Variants in KATNAL2 observed in about 807,000 individuals in gnomAD.
KATNAL2 encodes the protein katanin catalytic subunit A1 like 2.
KATNAL2 carries 52 observed loss-of-function variants against 76.3 expected under a neutral mutation model. The observed-to-expected ratio is 0.68, with a 90% CI of 0.55 to 0.86. The LOEUF is 0.86. KATNAL2 is among the 40% of genes least tolerant of loss of function. The pLI is 0.00. For synonymous variants in KATNAL2, 243 were observed against 244.2 expected, an observed-to-expected ratio of 1.00 and a Z score of 0.05; for missense variants, 660 against 668.9, an observed-to-expected ratio of 0.99 and a Z score of 0.15.
At chr18:47,054,898 G>A (rs1396243603) in intron 6 of KATNAL2, among the ~76,000 whole-genome samples, 1 of 152,240 alleles carries the variant, frequency 6.6e-6, no homozygotes, top group Admixed American at 6.5e-5. Flanking sequence ...CAATGAGCCA[G>A]GAGGTGTGAG....
At chr18:47,070,220 C>A (rs1454415139) in intron 13 of KATNAL2, among the ~76,000 whole-genome samples, 1 of 151,722 alleles carries the variant, frequency 6.6e-6, no homozygotes, top group Non-Finnish European at 1.5e-5. Flanking sequence ...CCTCAGCCTC[C>A]CGAATAGCTG....
At chr18:47,031,651 T>G (rs2060455891) in intron 3 of KATNAL2, among the ~76,000 whole-genome samples, 1 of 152,132 alleles carries the variant, frequency 6.6e-6, no homozygotes, top group South Asian at 2.1e-4. Flanking sequence ...AGAATGAGGA[T>G]TATTTTAGTA....
intron 1 of KATNAL2, among the ~76,000 whole-genome samples, chr18:46,927,779 C>T (rs907499397): frequency 3.3e-5 from 5 of 152,096 alleles, no homozygotes; most frequent in Admixed American, 2.0e-4. Flanking sequence ...AGGCTTTGTT[C>T]GTTTCTTTTT....
intron 3 of KATNAL2, chr18:47,023,689 TC>T: frequency 2.0e-5 from 2 of 102,226 alleles, no homozygotes; most frequent in South Asian, 2.1e-4. Flanking sequence ...GGTGTTTCGG[TC>T]CACGAGCACC....
chr18:46,928,096 T>C (rs1292796455), intron 1 of KATNAL2, among the ~76,000 whole-genome samples: 1 of 152,246 alleles, frequency 6.6e-6, no homozygotes, highest in Admixed American at 6.5e-5. Context: ...GTCAAAGTCA[T>C]TCTCCATCCA....
chr18:47,076,619 T>A (rs1026999452), intron 14 of KATNAL2: 1 of 152,076 alleles, frequency 6.6e-6, no homozygotes, highest in Admixed American at 6.5e-5. Context: ...CTGTCTGGGA[T>A]CAAAGACTCC....
intron 1 of KATNAL2, among the ~76,000 whole-genome samples, chr18:46,944,943 A>C (rs1191005784): frequency 6.6e-6 from 1 of 152,126 alleles, no homozygotes; most frequent in Non-Finnish European, 1.5e-5. Flanking sequence ...TAAATAAATA[A>C]ATAAATAAAG....
chr18:47,081,068 C>A (rs552512762), intron 15 of KATNAL2, among the ~76,000 whole-genome samples: 1 of 151,086 alleles, frequency 6.6e-6, no homozygotes, highest in African/African-American at 2.4e-5. Flanking sequence ...TCTTTCTTTC[C>A]CGCCTTCTTC....
chr18:47,071,494 A>C (rs2061997705), intron 13 of KATNAL2, among the ~76,000 whole-genome samples: 1 of 151,392 alleles, frequency 6.6e-6, no homozygotes, highest in African/African-American at 2.4e-5. Context: ...AATTCTTATC[A>C]CCCTGAAGTC....
chr18:47,058,273 A>G lies in KATNAL2; in HGVS notation c.371A>G (p.Asn124Ser), dbSNP rs2061527723. Residue 124 changes from asparagine to serine, a missense_variant, in exon 7 of 18, where the codon AAT becomes AGT. Coordinates refer to ENST00000683218, the MANE Select transcript of KATNAL2 (RefSeq NM_001387690.1). Reference protein sequence around the residue: ...NDSCQNLPKINQQRPRSKTTA... With the variant: ...NDSCQNLPKISQQRPRSKTTA... Reference sequence around the variant, plus strand: ...AGTTGTCAAAATCTTCCCAAGATCAATCAGCAGAGGCCCCGGTCCAAAACC... The same window carrying G: ...AGTTGTCAAAATCTTCCCAAGATCAGTCAGCAGAGGCCCCGGTCCAAAACC... The G allele has an allele frequency of 6.2e-7, 1 of 1,614,092 alleles. No homozygotes were observed. The highest frequency in any genetic ancestry group is 1.6e-4 in the Middle Eastern group (1 of 6,062).
At chr18:47,046,423 G>A (rs950433202) in intron 3 of KATNAL2, 34 bp from the exon 4 acceptor site, 1 of 1,446,300 alleles carries the variant, frequency 6.9e-7, no homozygotes, top group Non-Finnish European at 9.4e-7. Flanking sequence ...GTTATTTTTT[G>A]TTGTCATCCT....
At chr18:47,057,625 T>C (rs1477882465) in intron 6 of KATNAL2, among the ~76,000 whole-genome samples, 1 of 152,244 alleles carries the variant, frequency 6.6e-6, no homozygotes, top group African/African-American at 2.4e-5. Context: ...TTGTCTGAAG[T>C]AAACAATTGT....
chr18:47,083,471 G>A (rs1488656219), intron 15 of KATNAL2, among the ~76,000 whole-genome samples: 3 of 152,110 alleles, frequency 2.0e-5, no homozygotes. Context: ...ACTGCTGGTT[G>A]ACTTACCACC....
chr18:46,928,573 A>G (rs2058805570), intron 1 of KATNAL2, among the ~76,000 whole-genome samples: 1 of 152,116 alleles, frequency 6.6e-6, no homozygotes, highest in African/African-American at 2.4e-5. Flanking sequence ...TTCAGATCTG[A>G]AGCTGCATGC....
At chr18:47,059,851 T>C (rs1275640355) in intron 8 of KATNAL2, among the ~76,000 whole-genome samples, 197 bp downstream of exon 8, 1 of 152,132 alleles carries the variant, frequency 6.6e-6, no homozygotes, top group Non-Finnish European at 1.5e-5. Context: ...TGGGCTGGCA[T>C]GAACTGCCCC....
Position 47,101,896 on chromosome 18 carries a change from TCTA to T in KATNAL2, c.*894_*896del, listed in dbSNP as rs1466498471. The stretch of plus-strand genomic sequence containing the variant: ...TCTCAGAAACCCACAATCCGAGGCA[TCTA>T]CTTTCAACCCTTGATAAATTTTGAA... On this transcript the variant is annotated 3_prime_UTR_variant, in exon 18 of 18. Transcript: ENST00000683218. The T allele has an allele frequency of 1.3e-5, 2 of 152,228 alleles. No homozygotes were observed. The highest frequency in any genetic ancestry group is 3.9e-4 in the East Asian group (2 of 5,192). The allele number at this position is 152,228 out of a possible 1,614,324, so 9.4% of individuals were successfully genotyped here. A position where few individuals can be genotyped will look rare whatever the true frequency, so the allele number is the denominator to read the frequency against.
intron 3 of KATNAL2, among the ~76,000 whole-genome samples, chr18:46,960,023 G>A (rs1319937623): frequency 6.6e-6 from 1 of 152,176 alleles, no homozygotes; most frequent in African/African-American, 2.4e-5. Flanking sequence ...TGGAAAACTG[G>A]ACTAAACATA....
In KATNAL2 at chr18:47,069,486, A is replaced by G. The variant is rs75133583; in HGVS notation, c.894A>G (p.Thr298=). The change falls in exon 13 of 18, where the codon ACA becomes ACG. Residue 298 remains threonine (T), a synonymous_variant. Coordinates refer to ENST00000683218, the MANE Select transcript of KATNAL2 (RefSeq NM_001387690.1). ...KGLLLYGPPG[T]GKTLLAKAVA... Reference sequence around the variant, plus strand: ...CTTTTATGTGTTTCTCTTTAGGTACAGGAAAGACTTTACTGGCCAAAGCTG... The same window carrying G: ...CTTTTATGTGTTTCTCTTTAGGTACGGGAAAGACTTTACTGGCCAAAGCTG... 6.2e-6 allele frequency: 10 copies of G among 1,608,656 alleles called. 1 individual carries two copies. The East Asian group carries it at 2.0e-4, about 32-fold the overall frequency.
chr18:47,055,951 GA>G (rs1487373188), intron 6 of KATNAL2, among the ~76,000 whole-genome samples: 1 of 152,182 alleles, frequency 6.6e-6, no homozygotes, highest in African/African-American at 2.4e-5. Context: ...GAATAACTAG[GA>G]AAGTAATGAA....
Sources: gnomAD v4.1 joint callset for allele counts (sites outside exome capture counted in the v4.1 genomes callset) on GRCh38, gnomAD v4.1.1 for gene constraint, MANE v1.5 for transcripts, NCBI Gene and HGNC (gene_info 2026-07-23, HGNC 2026-07-21) for gene names.